The following MN1 variants were observed in gnomAD, a reference collection of about 807,000 sequenced individuals.
MN1 encodes the protein transcriptional activator MN1.
In MN1, 19 loss-of-function variants were observed where a neutral mutation model predicts 86.9. The ratio of observed to expected loss-of-function variants is 0.22; its 90% CI spans 0.15 to 0.32. The LOEUF (loss-of-function observed/expected upper bound fraction) is 0.32, where lower values mean the gene tolerates loss of function less well. Ranked by LOEUF, MN1 falls within the 10% of genes least tolerant of loss-of-function variation. The pLI, the probability that MN1 is intolerant of heterozygous loss-of-function variation, is 1.00. For synonymous variants in MN1, 928 were observed against 849.6 expected, an observed-to-expected ratio of 1.09 and a Z score of -1.60; for missense variants, 1,841 against 1,862.0, an observed-to-expected ratio of 0.99 and a Z score of 0.21.
intron 1 of MN1, among the ~76,000 whole-genome samples, chr22:27,767,330 G>T (rs933264829): frequency 2.6e-5 from 4 of 152,092 alleles, no homozygotes; most frequent in Non-Finnish European, 5.9e-5. Flanking sequence ...TAATTGGAAG[G>T]CTTGCCAAAT....
intron 1 of MN1, among the ~76,000 whole-genome samples, chr22:27,774,687 G>A (rs191025576): frequency 1.6e-4 from 25 of 152,254 alleles, no homozygotes; most frequent in Middle Eastern, 3.4e-3. Context: ...GTCTTTCTGC[G>A]CATGAACGGG....
At chr22:27,756,481 A>G (rs534984555) in intron 1 of MN1, among the ~76,000 whole-genome samples, 8 of 152,080 alleles carry the variant, frequency 5.3e-5, no homozygotes, top group Admixed American at 5.2e-4. Context: ...GAGACTTCTG[A>G]CCCAGCCACC....
chr22:27,800,447 G>C lies in MN1; in HGVS notation c.97C>G (p.His33Asp). 1 of 1,614,212 alleles carries C rather than the reference G, an allele frequency of 6.2e-7. No individual in the cohort carries two copies. Among genetic ancestry groups the C allele is most frequent in the East Asian group, 2.2e-5 (1 of 44,866 alleles). Residue 33 changes from histidine to aspartate, a missense_variant, in exon 1 of 2, where the codon CAC becomes GAC. His to Asp is a moderately conservative substitution (Grantham distance 81). Coordinates refer to ENST00000302326, the MANE Select transcript of MN1 (RefSeq NM_002430.3). ...FNETGLSMNT[H>D]FKAPAFHTGG... The stretch of plus-strand genomic sequence containing the variant: ...GTGTGGAAAGCCGGGGCCTTAAAGT[G>C]GGTGTTCATGCTCAGTCCGGTCTCG...
At chr22:27,770,306 A>G (rs961321727) in intron 1 of MN1, among the ~76,000 whole-genome samples, 22 of 152,320 alleles carry the variant, frequency 1.4e-4, no homozygotes, top group Admixed American at 7.2e-4. Context: ...CAGTCCATAG[A>G]CAGTTGGCGG....
intron 1 of MN1, among the ~76,000 whole-genome samples, chr22:27,751,858 C>G (rs949311195): frequency 6.6e-6 from 1 of 152,056 alleles, no homozygotes; most frequent in Non-Finnish European, 1.5e-5. Flanking sequence ...TCCCCAATCC[C>G]CAAGCGCTCC....
chr22:27,789,934 G>A (rs1465636118), intron 1 of MN1, among the ~76,000 whole-genome samples: 1 of 152,206 alleles, frequency 6.6e-6, no homozygotes, highest in African/African-American at 2.4e-5. Context: ...TGACTCAGGA[G>A]GTACCTAGGG....
rs971191038 is a variant in MN1, at chr22:27,800,428, A to G, written c.116T>C (p.Phe39Ser). ...AGGGCCAGGGGGCCCCCCAGTGTGG[A>G]AAGCCGGGGCCTTAAAGTGGGTGTT... ...SMNTHFKAPAFHTGGPPGPVD... is the reference protein window; with the variant it reads ...SMNTHFKAPASHTGGPPGPVD... The change falls in exon 1 of 2, where the codon TTC becomes TCC. Residue 39 changes from phenylalanine to serine, a missense_variant. Transcript: ENST00000302326. 12 of 1,614,190 alleles carry G rather than the reference A, an allele frequency of 7.4e-6. No individual in the cohort carries two copies. Among genetic ancestry groups the G allele is most frequent in the Non-Finnish European group, 1.0e-5 (12 of 1,180,026 alleles).
At chr22:27,793,647 C>T (rs1449354603) in intron 1 of MN1, among the ~76,000 whole-genome samples, 2 of 152,102 alleles carry the variant, frequency 1.3e-5, no homozygotes, top group East Asian at 3.9e-4. Context: ...GAGAGACTAG[C>T]TAGATTTCCT....
At chr22:27,796,083 C>T (rs1184653043) in intron 1 of MN1, among the ~76,000 whole-genome samples, 1 of 150,450 alleles carries the variant, frequency 6.6e-6, no homozygotes, top group African/African-American at 2.4e-5. Flanking sequence ...CACCAAATGT[C>T]AAGGGGATGC....
At chr22:27,777,523 A>G (rs981414520) in intron 1 of MN1, among the ~76,000 whole-genome samples, 5 of 126,896 alleles carry the variant, frequency 3.9e-5, no homozygotes, top group African/African-American at 1.7e-4. Context: ...ACAGAGCTAG[A>G]CCTTGTTTCT....
At chr22:27,781,680 G>T (rs1220007088) in intron 1 of MN1, among the ~76,000 whole-genome samples, 4 of 152,096 alleles carry the variant, frequency 2.6e-5, no homozygotes, top group Non-Finnish European at 4.4e-5. Flanking sequence ...CCTCTGAGAG[G>T]GTCCCAAGAA....
rs554999530 is a variant in MN1 at position 27,761,329 on chromosome 22, C to T, written c.3782-10233G>A. On this transcript the variant is annotated intron_variant, in intron 1 of 1. Transcript: ENST00000302326. ...TTCTTCCTCTTTCTGCCCCTCCATCCGTATCTCCCTCCCTCTCTCCTTCTC... is the reference window on the plus strand; with the variant it reads ...TTCTTCCTCTTTCTGCCCCTCCATCTGTATCTCCCTCCCTCTCTCCTTCTC... Among the ~76,000 whole-genome samples, 24 of 151,376 alleles carry T rather than the reference C, an allele frequency of 1.6e-4. No homozygotes were observed. In the East Asian group the frequency reaches 2.7e-3, roughly 17 times the overall value.
At chr22:27,768,603 A>G (rs1976093547) in intron 1 of MN1, among the ~76,000 whole-genome samples, 1 of 152,208 alleles carries the variant, frequency 6.6e-6, no homozygotes, top group African/African-American at 2.4e-5. Context: ...GTTGTCCAAC[A>G]TGGTAGCCAC....
intron 1 of MN1, among the ~76,000 whole-genome samples, chr22:27,777,611 C>T (rs1333140252): frequency 6.6e-6 from 1 of 151,356 alleles, no homozygotes; most frequent in East Asian, 1.9e-4. Flanking sequence ...GTAATCCCAG[C>T]ACTTTGGAAG....
At chr22:27,781,178 G>C (rs1933049050) in intron 1 of MN1, among the ~76,000 whole-genome samples, 1 of 152,164 alleles carries the variant, frequency 6.6e-6, no homozygotes. Flanking sequence ...TGATCCAGCA[G>C]CCTTGGCCTC....
intron 1 of MN1, among the ~76,000 whole-genome samples, chr22:27,794,170 G>A (rs559806429): frequency 6.6e-6 from 1 of 152,148 alleles, no homozygotes; most frequent in Non-Finnish European, 1.5e-5. Flanking sequence ...TTTTCAGTGA[G>A]GGGACTCAGG....
chr22:27,766,717 C>T (rs1932872465), intron 1 of MN1, among the ~76,000 whole-genome samples: 1 of 152,042 alleles, frequency 6.6e-6, no homozygotes, highest in Non-Finnish European at 1.5e-5. Flanking sequence ...CTGACAAGTG[C>T]TATTTATTAG....
At chr22:27,794,040 C>T (rs1933250689) in intron 1 of MN1, among the ~76,000 whole-genome samples, 1 of 151,944 alleles carries the variant, frequency 6.6e-6, no homozygotes, top group African/African-American at 2.4e-5. Context: ...CCATTCAAAG[C>T]CATTGGACAC....
chr22:27,775,143 G>A (rs183414410), intron 1 of MN1, among the ~76,000 whole-genome samples: 52 of 152,278 alleles, frequency 3.4e-4, no homozygotes, highest in Middle Eastern at 3.4e-3. Flanking sequence ...TCTGTACCTC[G>A]CCCTCCTCAT....
Sources: gnomAD v4.1 joint callset for allele counts (sites outside exome capture counted in the v4.1 genomes callset) on GRCh38, gnomAD v4.1.1 for gene constraint, MANE v1.5 for transcripts, NCBI Gene and HGNC (gene_info 2026-07-23, HGNC 2026-07-21) for gene names.